Variants in ALOX5 observed in about 807,000 individuals in gnomAD.
ALOX5 encodes arachidonate 5-lipoxygenase.
A neutral mutation model predicts 87.9 loss-of-function variants in ALOX5; 64 were observed. The ratio of observed to expected loss-of-function variants is 0.73; its 90% CI spans 0.60 to 0.90. The LOEUF is 0.90. Among genes scored for constraint, ALOX5 ranks in the 40% least tolerant of loss-of-function variants. The pLI, the probability that ALOX5 is intolerant of heterozygous loss-of-function variation, is 0.00. For missense variants in ALOX5, 822 were observed against 907.5 expected (o/e 0.91, Z 1.21); for synonymous variants, 388 against 355.1 (o/e 1.09, Z -1.04).
chr10:45,406,634 G>A (rs1294255385), intron 3 of ALOX5, among the ~76,000 whole-genome samples: 1 of 152,056 alleles, frequency 6.6e-6, no homozygotes, highest in African/African-American at 2.4e-5. Context: ...TTCTGAGTAG[G>A]ATATTTTTCT....
At chr10:45,409,741 T>TA (rs1841006342) in intron 3 of ALOX5, among the ~76,000 whole-genome samples, 1 of 152,256 alleles carries the variant, frequency 6.6e-6, no homozygotes, top group Non-Finnish European at 1.5e-5. Flanking sequence ...CTCCACCAGT[T>TA]AATGTCTGTG....
At chr10:45,381,112 G>A (rs895975419) in intron 1 of ALOX5, among the ~76,000 whole-genome samples, 3 of 152,218 alleles carry the variant, frequency 2.0e-5, no homozygotes, top group African/African-American at 7.2e-5. Flanking sequence ...CCTCAGAGCC[G>A]CCTGTGTCCT....
Position 45,412,239 on chromosome 10 carries a change from C to T in ALOX5, c.480C>T (p.Cys160=). 6.2e-7 allele frequency: 1 copy of T among 1,614,088 alleles called. No homozygotes were observed. Among genetic ancestry groups the T allele is most frequent in the East Asian group, 2.2e-5 (1 of 44,878 alleles). The change falls in exon 4 of 14, where the codon TGC becomes TGT. Residue 160 remains cysteine (C), a synonymous_variant. Coordinates refer to ENST00000374391, the MANE Select transcript of ALOX5 (RefSeq NM_000698.5). The part of the protein sequence containing the change: ...PGFPLSIDAK[C]HKDLPRDIQF... The stretch of plus-strand genomic sequence containing the variant: ...TCCCCTTGAGCATCGATGCCAAATG[C>T]CACAAGGATTTACCCCGTGATATCC...
At chr10:45,431,423 A>T (rs1327017181) in intron 7 of ALOX5, among the ~76,000 whole-genome samples, 4 of 152,146 alleles carry the variant, frequency 2.6e-5, no homozygotes, top group Non-Finnish European at 5.9e-5. Flanking sequence ...TAATTTTTTT[A>T]AAAGCTACTA....
chr10:45,425,758 C>G lies in ALOX5; in HGVS notation c.834+626C>G, dbSNP rs949490995. On this transcript the variant is annotated intron_variant, in intron 6 of 13. Coordinates refer to ENST00000374391, the MANE Select transcript of ALOX5 (RefSeq NM_000698.5). The surrounding 1 kb of genome is among the most constrained non-coding windows in gnomAD (Gnocchi z 4.4). Reference sequence around the variant, plus strand: ...TCAGCAACAGGCGCTGGCCCATCAGCCTGCCTCTTCCCCATGGATCCAGCG... The same window carrying G: ...TCAGCAACAGGCGCTGGCCCATCAGGCTGCCTCTTCCCCATGGATCCAGCG... Among the ~76,000 whole-genome samples the G allele has an allele frequency of 1.3e-5, 2 of 152,226 alleles. No homozygotes were observed. Among genetic ancestry groups the G allele is most frequent in the African/African-American group, 2.4e-5 (1 of 41,450 alleles).
intron 1 of ALOX5, 31 bp downstream of exon 1, chr10:45,374,460 G>A: frequency 6.7e-7 from 1 of 1,499,530 alleles, no homozygotes; most frequent in Non-Finnish European, 8.9e-7. Context: ...GGTGGAGCGC[G>A]GGCTGAGGTG....
At chr10:45,441,306 T>G (rs1241981065) in intron 8 of ALOX5, 38 bp from the exon 9 acceptor site, 52 of 1,590,180 alleles carry the variant, frequency 3.3e-5, no homozygotes, top group Non-Finnish European at 4.3e-5. Context: ...GTCACCTGAC[T>G]GGGCCCCCTC....
intron 6 of ALOX5, among the ~76,000 whole-genome samples, chr10:45,426,418 A>C (rs59317220): frequency 0.062 from 9,416 of 152,194 alleles, 739 homozygotes; most frequent in African/African-American, 0.19. Context: ...GCCCCGTCTA[A>C]TACACACCAG....
chr10:45,425,282 C>T lies in ALOX5; in HGVS notation c.834+150C>T, dbSNP rs2132808994. On this transcript the variant is annotated intron_variant, in intron 6 of 13. Transcript: ENST00000374391. The surrounding 1 kb of genome is among the most constrained non-coding windows in gnomAD (Gnocchi z 4.4). ...CGCTTCCTTTTCCTGGCAGCAGTGT[C>T]AGCCAGGGTCCTGGGCATTATGCAG... is the stretch of plus-strand genomic sequence containing the variant. 1 of 936,110 alleles carries T rather than the reference C, an allele frequency of 1.1e-6. No homozygotes were observed. Among genetic ancestry groups the T allele is most frequent in the East Asian group, 2.7e-5 (1 of 37,610 alleles). 58.0% of individuals were successfully genotyped at this position (936,110 alleles called of 1,614,324 possible).
Position 45,408,135 on chromosome 10 carries a change from T to C in ALOX5, c.432-4056T>C, listed in dbSNP as rs970599844. Reference sequence around the variant, plus strand: ...TTTTACTCCTTGCATATTACATCTGTATCTGGCTTTCATGTCTGTTAATGA... The same window carrying C: ...TTTTACTCCTTGCATATTACATCTGCATCTGGCTTTCATGTCTGTTAATGA... On this transcript the variant is annotated intron_variant, in intron 3 of 13. Coordinates refer to ENST00000374391, the MANE Select transcript of ALOX5 (RefSeq NM_000698.5). Among the ~76,000 whole-genome samples, 5 of 152,254 alleles carry C rather than the reference T, an allele frequency of 3.3e-5. No individual in the cohort carries two copies. In the East Asian group the frequency reaches 9.6e-4, roughly 29 times the overall value.
At chr10:45,401,914 G>A (rs765508833) in intron 3 of ALOX5, among the ~76,000 whole-genome samples, 77 of 151,870 alleles carry the variant, frequency 5.1e-4, no homozygotes, top group Non-Finnish European at 9.6e-4. Flanking sequence ...GTGAAACCCC[G>A]TCTCTACTAA....
intron 7 of ALOX5, among the ~76,000 whole-genome samples, chr10:45,434,090 C>G (rs1367070990): frequency 6.6e-6 from 1 of 152,210 alleles, no homozygotes; most frequent in Non-Finnish European, 1.5e-5. Context: ...AACTTCCCTT[C>G]AAGGAACTCG....
intron 4 of ALOX5, among the ~76,000 whole-genome samples, chr10:45,422,632 A>G (rs1002960783): frequency 6.6e-6 from 1 of 152,204 alleles, no homozygotes; most frequent in Admixed American, 6.5e-5. Context: ...GGCAGCAGGC[A>G]TAGATTCATA....
intron 6 of ALOX5, 83 bp from the exon 7 acceptor site, chr10:45,428,535 C>T (rs1841807191): frequency 3.2e-6 from 5 of 1,553,368 alleles, no homozygotes; most frequent in Admixed American, 1.7e-5. Flanking sequence ...GAGGGGTGCC[C>T]AGAGGTCATC....
intron 3 of ALOX5, among the ~76,000 whole-genome samples, chr10:45,402,045 C>G: frequency 7.0e-6 from 1 of 142,808 alleles, no homozygotes; most frequent in African/African-American, 2.7e-5. Context: ...CGAGATTGCA[C>G]CACTGCACTC....
intron 9 of ALOX5, chr10:45,442,477 A>G (rs966232965): frequency 2.0e-5 from 3 of 152,526 alleles, no homozygotes; most frequent in Middle Eastern, 3.4e-3. Context: ...GTGTATTTGC[A>G]TGTGTGTGTG....
rs1397027779 is a variant in ALOX5, at chr10:45,374,531, C to A, written c.150+102C>A. The A allele has an allele frequency of 2.5e-6, 3 of 1,186,260 alleles. No individual in the cohort carries two copies. In the Admixed American group the frequency reaches 1.2e-4, roughly 46 times the overall value. 73.5% of individuals were successfully genotyped at this position (1,186,260 alleles called of 1,614,324 possible). On this transcript the variant is annotated intron_variant, in intron 1 of 13. Coordinates refer to ENST00000374391, the MANE Select transcript of ALOX5 (RefSeq NM_000698.5). ...CGGGGGCGCCGAGGGCCCGTCGGGG[C>A]GGCCCGGACAGGACTGGGGGTGTCC...
chr10:45,407,927 A>G (rs938244905), intron 3 of ALOX5, among the ~76,000 whole-genome samples: 7 of 152,206 alleles, frequency 4.6e-5, no homozygotes, highest in Non-Finnish European at 1.0e-4. Context: ...AGGGGGAGGC[A>G]GGTTTGCATG....
intron 4 of ALOX5, among the ~76,000 whole-genome samples, chr10:45,418,973 G>A (rs1212310450): frequency 6.6e-6 from 1 of 152,206 alleles, no homozygotes; most frequent in Non-Finnish European, 1.5e-5. Flanking sequence ...GGGCTCACAC[G>A]CCCTGCGATT....
Sources: gnomAD v4.1 joint callset for allele counts (sites outside exome capture counted in the v4.1 genomes callset) on GRCh38, gnomAD v4.1.1 for gene constraint, Gnocchi (gnomAD v3.1) non-coding constraint, MANE v1.5 for transcripts, NCBI Gene and HGNC (gene_info 2026-07-23, HGNC 2026-07-21) for gene names.